Variants in CNBD1 observed in about 807,000 individuals in gnomAD.
CNBD1 encodes the protein cyclic nucleotide-binding domain-containing protein 1.
Under a neutral mutation model 54.4 loss-of-function variants are expected in CNBD1, and 71 were observed. The observed-to-expected ratio is 1.30, with a 90% confidence interval of 1.08 to 1.59. The LOEUF (loss-of-function observed/expected upper bound fraction) is 1.59, where lower values mean the gene tolerates loss of function less well. Ranked by LOEUF, CNBD1 falls within the 40% of genes most tolerant of loss-of-function variation. The probability of loss-of-function intolerance (pLI) is 0.00; values close to 1 mark genes in which losing one functional copy is unlikely to be tolerated. For missense variants in CNBD1, 659 were observed against 518.0 expected, an observed-to-expected ratio of 1.27 and a Z score of -2.64; for synonymous variants, 182 against 170.7, an observed-to-expected ratio of 1.07 and a Z score of -0.51.
At chr8:87,362,473 A>G (rs1810542025) in intron 10 of CNBD1, among the ~76,000 whole-genome samples, 3 of 152,110 alleles carry the variant, frequency 2.0e-5, no homozygotes, top group Admixed American at 1.3e-4. Context: ...GGGAGTTTAG[A>G]AAAGTTTGTT....
chr8:87,228,527 G>T (rs919788927), intron 5 of CNBD1, among the ~76,000 whole-genome samples: 2 of 150,096 alleles, frequency 1.3e-5, no homozygotes, highest in African/African-American at 2.5e-5. Context: ...GCCCCTGCTG[G>T]GGGGTGCCTC....
At chr8:87,279,044 G>A (rs59219176) in intron 6 of CNBD1, among the ~76,000 whole-genome samples, 5,623 of 150,728 alleles carry the variant, frequency 0.037, 300 homozygotes, top group African/African-American at 0.11. Flanking sequence ...TTAATTAATA[G>A]TTATTTTTGT....
chr8:87,201,996 A>T (rs749019917), intron 4 of CNBD1, among the ~76,000 whole-genome samples: 8 of 152,182 alleles, frequency 5.3e-5, no homozygotes, highest in Non-Finnish European at 7.3e-5. Context: ...GTTTGATAGA[A>T]GTTCAGCATT....
intron 4 of CNBD1, among the ~76,000 whole-genome samples, chr8:87,015,483 C>T (rs1027577299): frequency 3.3e-5 from 5 of 151,962 alleles, no homozygotes; most frequent in South Asian, 4.1e-4. Flanking sequence ...TCATGCCCAG[C>T]GAAATACTGG....
At chr8:87,228,593 C>T (rs1448225260) in intron 5 of CNBD1, among the ~76,000 whole-genome samples, 2 of 151,194 alleles carry the variant, frequency 1.3e-5, no homozygotes, top group African/African-American at 2.5e-5. Context: ...AGGCAGTCCG[C>T]CCGTTCTCAG....
chr8:86,953,170 A>G (rs944512446), intron 4 of CNBD1, among the ~76,000 whole-genome samples: 3 of 152,188 alleles, frequency 2.0e-5, no homozygotes, highest in Admixed American at 2.0e-4. Flanking sequence ...TGAAGCTGCC[A>G]TGAACATTTA....
intron 4 of CNBD1, among the ~76,000 whole-genome samples, chr8:87,067,314 C>A (rs935796933): frequency 6.6e-6 from 1 of 151,858 alleles, no homozygotes. Flanking sequence ...TTTTCTCATG[C>A]CTTAAAAATG....
chr8:87,328,262 C>A (rs1809728754), intron 8 of CNBD1, among the ~76,000 whole-genome samples: 1 of 151,676 alleles, frequency 6.6e-6, no homozygotes, highest in Admixed American at 6.6e-5. Flanking sequence ...TTTTTGGCAC[C>A]CTTGTCAAGA....
chr8:87,092,505 G>A (rs545961269), intron 4 of CNBD1, among the ~76,000 whole-genome samples: 1,299 of 122,520 alleles, frequency 0.011, 24 homozygotes, highest in African/African-American at 0.051. Context: ...GTATATATAT[G>A]TGTGTGTGTG....
chr8:87,048,502 G>A (rs1056660434), intron 4 of CNBD1, among the ~76,000 whole-genome samples: 1 of 152,098 alleles, frequency 6.6e-6, no homozygotes. Flanking sequence ...AAAGACTGTG[G>A]TCTCGAGGCA....
intron 10 of CNBD1, among the ~76,000 whole-genome samples, chr8:87,365,483 T>A (rs115935523): frequency 0.012 from 1,822 of 152,118 alleles, 38 homozygotes; most frequent in African/African-American, 0.039. Flanking sequence ...AGTAAAATGT[T>A]GAATATCATG....
chr8:87,401,653 G>C (rs1171156187), intron 2 of CNBD1, among the ~76,000 whole-genome samples: 3 of 152,018 alleles, frequency 2.0e-5, no homozygotes, highest in African/African-American at 7.2e-5. Context: ...TAACAGAAAT[G>C]TCAAAACAAT....
intron 5 of CNBD1, among the ~76,000 whole-genome samples, chr8:87,215,305 G>T (rs1814185457): frequency 6.6e-6 from 1 of 152,072 alleles, no homozygotes; most frequent in Admixed American, 6.6e-5. Context: ...GTAACATAGT[G>T]GTTGCCACCT....
chr8:87,084,819 G>C (rs1164480053), intron 4 of CNBD1, among the ~76,000 whole-genome samples: 1 of 152,022 alleles, frequency 6.6e-6, no homozygotes, highest in Admixed American at 6.6e-5. Flanking sequence ...TGGGATTCAG[G>C]CATGTGCCAC....
intron 8 of CNBD1, among the ~76,000 whole-genome samples, chr8:87,342,232 C>T (rs1419434917): frequency 6.6e-6 from 1 of 151,382 alleles, no homozygotes; most frequent in Non-Finnish European, 1.5e-5. Context: ...GAGATTGTGC[C>T]ACTGCACTCC....
chr8:87,239,985 C>G (rs747901554), intron 6 of CNBD1, among the ~76,000 whole-genome samples: 1 of 151,618 alleles, frequency 6.6e-6, no homozygotes, highest in Non-Finnish European at 1.5e-5. Context: ...TCCAATTAGT[C>G]TTACAACTTT....
intron 6 of CNBD1, among the ~76,000 whole-genome samples, chr8:87,265,921 A>G (rs1173496804): frequency 6.6e-6 from 1 of 152,156 alleles, no homozygotes; most frequent in Admixed American, 6.5e-5. Flanking sequence ...AATAAAACAA[A>G]AAATTCCCAG....
At chr8:87,173,475 T>A (rs182009258) in intron 4 of CNBD1, among the ~76,000 whole-genome samples, 1 of 152,324 alleles carries the variant, frequency 6.6e-6, no homozygotes, top group Admixed American at 6.5e-5. Context: ...GGTCTGGTGT[T>A]GATAAAATCC....
intron 8 of CNBD1, among the ~76,000 whole-genome samples, chr8:87,302,975 G>C (rs1317180721): frequency 1.3e-5 from 2 of 151,142 alleles, no homozygotes. Context: ...CACTGCTCAA[G>C]GAAATAAAAG....
Sources: gnomAD v4.1 joint callset for allele counts (sites outside exome capture counted in the v4.1 genomes callset) on GRCh38, gnomAD v4.1.1 for gene constraint, MANE v1.5 for transcripts, NCBI Gene and HGNC (gene_info 2026-07-23, HGNC 2026-07-21) for gene names.